Variants in PDE4D observed in about 807,000 individuals in gnomAD.
PDE4D encodes phosphodiesterase 4D, also known as 3',5'-cyclic-AMP phosphodiesterase 4D.
PDE4D carries 24 observed loss-of-function variants against 87.4 expected under a neutral mutation model. The ratio of observed to expected loss-of-function variants is 0.27; its 90% confidence interval spans 0.20 to 0.39. The LOEUF is 0.39. Among genes scored for constraint, PDE4D ranks in the 10% least tolerant of loss-of-function variants. PDE4D has a pLI of 1.00. For missense variants in PDE4D, 714 were observed against 1,041.0 expected, an observed-to-expected ratio of 0.69 and a Z score of 4.32; for synonymous variants, 384 against 383.2, an observed-to-expected ratio of 1.00 and a Z score of -0.02.
At chr5:59,416,356 A>T (rs1338950333) in intron 1 of PDE4D, among the ~76,000 whole-genome samples, 2 of 152,152 alleles carry the variant, frequency 1.3e-5, no homozygotes, top group Non-Finnish European at 2.9e-5. Context: ...CCAGAAAACC[A>T]GGGGCTATTC....
chr5:59,556,869 G>A (rs1181956885), intron 1 of PDE4D, among the ~76,000 whole-genome samples: 2 of 152,132 alleles, frequency 1.3e-5, no homozygotes, highest in Non-Finnish European at 2.9e-5. Flanking sequence ...AAGGATGGAA[G>A]GGAGGAAGGG....
intron 2 of PDE4D, among the ~76,000 whole-genome samples, chr5:60,055,940 C>G (rs112988816): frequency 7.7e-4 from 117 of 151,808 alleles, no homozygotes; most frequent in African/African-American, 2.7e-3. Context: ...AAAGGAGAAG[C>G]AAGGAAGGGA....
At chr5:59,054,447 T>G (rs1001186404) in intron 5 of PDE4D, among the ~76,000 whole-genome samples, 1 of 152,174 alleles carries the variant, frequency 6.6e-6, no homozygotes, top group African/African-American at 2.4e-5. Flanking sequence ...CAAAAAGGTT[T>G]TATACCTATA....
At position 58,975,118 on chromosome 5, in the gene PDE4D, G is replaced by A. The variant is rs1023603729; in HGVS notation, c.2014-38C>T. 7.8e-7 allele frequency: 1 copy of A among 1,276,816 alleles called. No homozygotes were observed. Among genetic ancestry groups the A allele is most frequent in the Non-Finnish European group, 1.0e-6 (1 of 961,002 alleles). The allele number at this position is 1,276,816 out of a possible 1,614,324, so 79.1% of individuals were successfully genotyped here. ...AAAATCCAGTATGAGTAGAGGACTTGGGACTAAGAAACAATGGAAAAGCTT... is the reference window on the plus strand; with the variant it reads ...AAAATCCAGTATGAGTAGAGGACTTAGGACTAAGAAACAATGGAAAAGCTT... On this transcript the variant is annotated intron_variant, in intron 14 of 14. Coordinates refer to ENST00000340635, the MANE Select transcript of PDE4D (RefSeq NM_001104631.2). The surrounding 1 kb of genome is among the most constrained non-coding windows in gnomAD (Gnocchi z 4.2).
At chr5:59,815,239 AAAAGGAGG>A (rs2152683125) in intron 1 of PDE4D, among the ~76,000 whole-genome samples, 1 of 152,338 alleles carries the variant, frequency 6.6e-6, no homozygotes, top group South Asian at 2.1e-4. Context: ...TATCCATTCC[AAAAGGAGG>A]AAAGGTCAAT....
intron 1 of PDE4D, among the ~76,000 whole-genome samples, chr5:59,690,963 GA>G (rs1406657708): frequency 7.2e-5 from 11 of 152,166 alleles, no homozygotes; most frequent in African/African-American, 2.7e-4. Context: ...ACAGACACAT[GA>G]AAAAATGCTC....
intron 5 of PDE4D, chr5:59,039,183 T>A (rs1759143544): frequency 7.5e-7 from 1 of 1,329,210 alleles, no homozygotes; most frequent in Non-Finnish European, 9.6e-7. Flanking sequence ...GCACGGTCTC[T>A]CCAGCTTGGC....
intron 2 of PDE4D, among the ~76,000 whole-genome samples, chr5:60,057,917 A>G (rs940665643): frequency 1.3e-5 from 2 of 152,036 alleles, no homozygotes; most frequent in African/African-American, 2.4e-5. Flanking sequence ...AAAGGTCTAT[A>G]GTCCCCTAAA....
intron 1 of PDE4D, among the ~76,000 whole-genome samples, chr5:60,500,721 T>C (rs62372017): frequency 0.012 from 1,804 of 152,326 alleles, 11 homozygotes; most frequent in Non-Finnish European, 0.019. Flanking sequence ...TGAAATAATC[T>C]GAGCCTCAGC....
At chr5:59,456,198 C>G (rs1249829146) in intron 1 of PDE4D, among the ~76,000 whole-genome samples, 1 of 152,178 alleles carries the variant, frequency 6.6e-6, no homozygotes, top group African/African-American at 2.4e-5. Context: ...CCATCCAAAT[C>G]TCATCCTGAA....
At chr5:60,184,294 CAT>C (rs1784605999) in intron 2 of PDE4D, among the ~76,000 whole-genome samples, 2 of 151,762 alleles carry the variant, frequency 1.3e-5, no homozygotes, top group Non-Finnish European at 2.9e-5. Context: ...TAACAGAAAA[CAT>C]TATATGAATA....
intron 5 of PDE4D, among the ~76,000 whole-genome samples, chr5:59,057,602 A>T (rs760012346): frequency 2.6e-5 from 4 of 152,200 alleles, no homozygotes; most frequent in African/African-American, 4.8e-5. Flanking sequence ...CCAATGCTGG[A>T]TAACTGAGAT....
intron 1 of PDE4D, among the ~76,000 whole-genome samples, chr5:59,295,542 C>A (rs1305409427): frequency 3.9e-5 from 6 of 152,116 alleles, no homozygotes; most frequent in African/African-American, 1.2e-4. Context: ...TGCTAGCCTG[C>A]CTAGTTCGTA....
intron 3 of PDE4D, among the ~76,000 whole-genome samples, chr5:59,905,229 A>T (rs1752688767): frequency 6.6e-6 from 1 of 152,156 alleles, no homozygotes; most frequent in Middle Eastern, 3.2e-3. Flanking sequence ...TCATGCATAA[A>T]TAATAGAAAT....
intron 1 of PDE4D, among the ~76,000 whole-genome samples, chr5:60,357,530 G>C (rs1034769511): frequency 2.0e-5 from 3 of 152,040 alleles, no homozygotes; most frequent in Non-Finnish European, 2.9e-5. Flanking sequence ...CCTGGGACTA[G>C]AGCCTGATTT....
chr5:59,763,668 C>T (rs2150798756), intron 1 of PDE4D, among the ~76,000 whole-genome samples: 1 of 152,302 alleles, frequency 6.6e-6, no homozygotes, highest in African/African-American at 2.4e-5. Context: ...AAGTTTTCTT[C>T]ACCAGAGATT....
chr5:60,416,786 G>C (rs1044024140), intron 1 of PDE4D, among the ~76,000 whole-genome samples: 1 of 152,212 alleles, frequency 6.6e-6, no homozygotes, highest in Non-Finnish European at 1.5e-5. Flanking sequence ...GGGCTTTAGA[G>C]GATAATGAAC....
intron 3 of PDE4D, among the ~76,000 whole-genome samples, chr5:59,899,483 A>AATATAT (rs35237122): frequency 6.6e-6 from 1 of 150,472 alleles, no homozygotes. Context: ...TTAAGTGGTA[A>AATATAT]ATATATATAT....
intron 3 of PDE4D, among the ~76,000 whole-genome samples, chr5:59,898,856 T>C (rs554833345): frequency 2.6e-5 from 4 of 152,018 alleles, no homozygotes; most frequent in Non-Finnish European, 5.9e-5. Context: ...TTAAAGTTGA[T>C]GAGTAGGATG....
Sources: gnomAD v4.1 joint callset for allele counts (sites outside exome capture counted in the v4.1 genomes callset) on GRCh38, gnomAD v4.1.1 for gene constraint, Gnocchi (gnomAD v3.1) non-coding constraint, MANE v1.5 for transcripts, NCBI Gene and HGNC (gene_info 2026-07-23, HGNC 2026-07-21) for gene names.